The following POSTN variants were observed in gnomAD, a reference collection of about 807,000 sequenced individuals.
POSTN encodes osteoblast specific factor 2 (fasciclin I-like).
POSTN carries 71 observed loss-of-function variants against 104.5 expected under a neutral mutation model. The ratio of observed to expected loss-of-function variants is 0.68; its 90% CI spans 0.56 to 0.83. The LOEUF (loss-of-function observed/expected upper bound fraction) is 0.83, where lower values mean the gene tolerates loss of function less well. POSTN is among the 40% of genes least tolerant of loss of function. The pLI, the probability that POSTN is intolerant of heterozygous loss-of-function variation, is 0.00. For missense variants in POSTN, 949 were observed against 1,006.8 expected, an observed-to-expected ratio of 0.94 and a Z score of 0.78; for synonymous variants, 355 against 340.7, an observed-to-expected ratio of 1.04 and a Z score of -0.46.
intron 17 of POSTN, among the ~76,000 whole-genome samples, chr13:37,574,061 A>T (rs1452052198): frequency 1.3e-5 from 2 of 151,670 alleles, no homozygotes; most frequent in Non-Finnish European, 3.0e-5. Context: ...TATAATTCTG[A>T]TGGTCTAATT....
chr13:37,563,328 G>A lies in POSTN; in HGVS notation c.*5C>T. 1 of 1,581,664 alleles carries A rather than the reference G, an allele frequency of 6.3e-7. No homozygotes were observed. Among genetic ancestry groups the A allele is most frequent in the Non-Finnish European group, 8.7e-7 (1 of 1,154,916 alleles). ...TATAAACATTTTTTTCTGGTTTTTGGATTTTCACTGAGAACGACCTTCCCT... is the reference window on the plus strand; with the variant it reads ...TATAAACATTTTTTTCTGGTTTTTGAATTTTCACTGAGAACGACCTTCCCT... On this transcript the variant is annotated 3_prime_UTR_variant, in exon 23 of 23. Coordinates refer to ENST00000379747, the MANE Select transcript of POSTN (RefSeq NM_006475.3).
intron 21 of POSTN, among the ~76,000 whole-genome samples, chr13:37,566,242 C>A (rs937163572): frequency 6.6e-6 from 1 of 152,094 alleles, no homozygotes; most frequent in African/African-American, 2.4e-5. Flanking sequence ...GAAGATAAAC[C>A]AATTACTTGA....
At chr13:37,592,045 T>G in intron 3 of POSTN, 55 bp downstream of exon 3, 2 of 1,310,526 alleles carry the variant, frequency 1.5e-6, no homozygotes, top group Non-Finnish European at 2.2e-6. Context: ...ACAAGCCACC[T>G]CAACCCTTTC....
chr13:37,576,379 T>A (rs1950409054), intron 16 of POSTN, among the ~76,000 whole-genome samples: 1 of 152,180 alleles, frequency 6.6e-6, no homozygotes, highest in Non-Finnish European at 1.5e-5. Context: ...ATGTAAATGT[T>A]AGAGCTGTTT....
In POSTN at chr13:37,590,402, C is replaced by A. The variant is rs964378748; in HGVS notation, c.411G>T (p.Pro137=). The part of the protein sequence containing the change: ...EGKGSFTYFA[P]SNEAWDNLDS... ...CCAAGTTGTCCCAAGCCTCATTACTCGGTGCAAAGTAAGTGAAGGATCCCT... is the reference window on the plus strand; with the variant it reads ...CCAAGTTGTCCCAAGCCTCATTACTAGGTGCAAAGTAAGTGAAGGATCCCT... The change falls in exon 4 of 23, where the codon CCG becomes CCT. Residue 137 remains proline (P), a synonymous_variant. Transcript: ENST00000379747. 14 of 1,596,866 alleles carry A rather than the reference C, an allele frequency of 8.8e-6. No individual in the cohort carries two copies. Among genetic ancestry groups the A allele is most frequent in the Non-Finnish European group, 1.2e-5 (14 of 1,170,616 alleles).
At chr13:37,580,837 CCT>C (rs1950564077) in intron 10 of POSTN, 140 bp from the exon 11 acceptor site, 3 of 947,454 alleles carry the variant, frequency 3.2e-6, no homozygotes, top group Non-Finnish European at 4.7e-6. Context: ...CAGCTTCTTT[CCT>C]CTGTTTTCAA....
At chr13:37,592,260 T>G in intron 2 of POSTN, 96 bp from the exon 3 acceptor site, 1 of 800,612 alleles carries the variant, frequency 1.2e-6, no homozygotes, top group Non-Finnish European at 2.0e-6. Flanking sequence ...TGACTTGATT[T>G]GTTGAGGTTC....
intron 21 of POSTN, among the ~76,000 whole-genome samples, chr13:37,568,357 G>C (rs941606841): frequency 4.6e-5 from 7 of 151,898 alleles, no homozygotes; most frequent in African/African-American, 1.7e-4. Flanking sequence ...TAAAAATATA[G>C]AAAGTCCCAA....
intron 3 of POSTN, among the ~76,000 whole-genome samples, chr13:37,591,708 A>G (rs1049038180): frequency 1.3e-5 from 2 of 152,104 alleles, no homozygotes; most frequent in Non-Finnish European, 2.9e-5. Flanking sequence ...TAGTTGGCAG[A>G]AGTAGAGGAA....
intron 11 of POSTN, 81 bp from the exon 12 acceptor site, chr13:37,580,072 T>A (rs1262969664): frequency 7.6e-6 from 10 of 1,317,206 alleles, no homozygotes; most frequent in Non-Finnish European, 1.1e-5. Flanking sequence ...TAGAATAGAA[T>A]CCATGTATTG....
chr13:37,582,601 T>A, intron 9 of POSTN, 87 bp from the exon 10 acceptor site: 1 of 1,234,974 alleles, frequency 8.1e-7, no homozygotes, highest in East Asian at 2.5e-5. Flanking sequence ...TATAAACAGA[T>A]AATCCCTGAC....
Position 37,563,340 on chromosome 13 carries a change from G to A in POSTN, c.2504C>T (p.Ser835Phe), listed in dbSNP as rs752238381. ...GSRRRLREGR[S>F]Q ...TTTCTGGTTTTTGGATTTTCACTGAGAACGACCTTCCCTTAATCGTCTTCT... is the reference window on the plus strand; with the variant it reads ...TTTCTGGTTTTTGGATTTTCACTGAAAACGACCTTCCCTTAATCGTCTTCT... The change falls in exon 23 of 23, where the codon TCT becomes TTT. Residue 835 changes from serine (S) to phenylalanine (F), a missense_variant. Transcript: ENST00000379747. The A allele has an allele frequency of 1.3e-6, 2 of 1,587,910 alleles. No individual in the cohort carries two copies. Among genetic ancestry groups the A allele is most frequent in the Non-Finnish European group, 1.7e-6 (2 of 1,159,728 alleles).
chr13:37,564,589 A>C (rs1950034752), intron 21 of POSTN, 29 bp from the exon 22 acceptor site: 1 of 1,492,366 alleles, frequency 6.7e-7, no homozygotes, highest in African/African-American at 1.4e-5. Context: ...AGTTAGAAAT[A>C]CTTCGCAATT....
chr13:37,587,759 A>G (rs752583257), intron 5 of POSTN, 63 bp downstream of exon 5: 245 of 1,273,398 alleles, frequency 1.9e-4, no homozygotes, highest in Non-Finnish European at 2.6e-4. Context: ...CATTATATAA[A>G]AAGTATAGAC....
chr13:37,574,041 CAT>C (rs746678473), intron 17 of POSTN, among the ~76,000 whole-genome samples: 3 of 151,608 alleles, frequency 2.0e-5, no homozygotes, highest in Non-Finnish European at 3.0e-5. Context: ...ATAAACTACT[CAT>C]TTTGTTTTAT....
rs61731745 is a variant in POSTN at position 37,586,852 on chromosome 13, C to T, written c.683G>A (p.Arg228His). 6.7e-4 allele frequency: 1,075 copies of T among 1,612,324 alleles called. 7 individuals are homozygous for T. The African/African-American group carries it at 0.012, about 18-fold the overall frequency. Residue 228 changes from arginine to histidine, a missense_variant, in exon 6 of 23, where the codon CGT becomes CAT. Transcript: ENST00000379747. ...ATNGVVHVID[R>H]VLTQIGTSIQ... Reference sequence around the variant, plus strand: ...TGAGGTACCAATTTGTGTAAGCACACGGTCAATGACATGGACAACACCATT... The same window carrying T: ...TGAGGTACCAATTTGTGTAAGCACATGGTCAATGACATGGACAACACCATT...
rs905221403 is a variant in POSTN, at chr13:37,570,771, T to G, written c.2180-102A>C. On this transcript the variant is annotated intron_variant, in intron 18 of 22. Coordinates refer to ENST00000379747, the MANE Select transcript of POSTN (RefSeq NM_006475.3). ...TGATTAACTATATTTCTACAAATAT[T>G]ACCATTTAAGATTCAATCATAAACA... 4.4e-5 allele frequency: 33 copies of G among 749,040 alleles called. No homozygotes were observed. In the Admixed American group the frequency reaches 7.1e-4, roughly 16 times the overall value. The allele number at this position is 749,040 out of a possible 1,614,324, so 46.4% of individuals were successfully genotyped here.
chr13:37,579,054 A>C lies in POSTN; in HGVS notation c.1859T>G (p.Val620Gly), dbSNP rs1431601651. 5.0e-6 allele frequency: 8 copies of C among 1,613,296 alleles called. No homozygotes were observed. The highest frequency in any genetic ancestry group is 8.5e-7 in the Non-Finnish European group (1 of 1,179,622). The change falls in exon 14 of 23, where the codon GTA becomes GGA. Residue 620 changes from valine to glycine, a missense_variant. Physicochemically the swap from Val to Gly is moderately radical, Grantham distance 109. Transcript: ENST00000379747. ...GAGGAGTTTATCTACAACATGAATT[A>C]CACCATTTGTTGTCATGATGTCAGA... ...KESDIMTTNG[V>G]IHVVDKLLYP...
At chr13:37,577,449 G>T (rs533063528) in intron 16 of POSTN, among the ~76,000 whole-genome samples, 7 of 152,248 alleles carry the variant, frequency 4.6e-5, no homozygotes, top group Admixed American at 2.0e-4. Context: ...TTTCTAGAGG[G>T]TCTTTTCGCC....
Sources: gnomAD v4.1 joint callset for allele counts (sites outside exome capture counted in the v4.1 genomes callset) on GRCh38, gnomAD v4.1.1 for gene constraint, MANE v1.5 for transcripts, NCBI Gene and HGNC (gene_info 2026-07-23, HGNC 2026-07-21) for gene names.